GABPB1: variants seen among roughly 807,000 people sequenced by gnomAD.
GABPB1 encodes the protein GA-binding protein subunit beta-1.
In GABPB1, 15 loss-of-function variants were observed where a neutral mutation model predicts 45.9. The ratio of observed to expected loss-of-function variants is 0.33; its 90% CI spans 0.22 to 0.50. GABPB1 has a LOEUF of 0.50. GABPB1 is among the 20% of genes least tolerant of loss of function. GABPB1 has a pLI of 0.98. For synonymous variants in GABPB1, 143 were observed against 154.4 expected (o/e 0.93, Z 0.55); for missense variants, 252 against 457.5 (o/e 0.55, Z 4.10).
intron 1 of GABPB1, 52 bp from the exon 2 acceptor site, chr15:50,309,850 G>A (rs916677170): frequency 9.7e-7 from 1 of 1,035,164 alleles, no homozygotes; most frequent in South Asian, 1.3e-5. Context: ...TATACACTAT[G>A]ACATGACATT....
chr15:50,354,116 C>T (rs1567561378), intron 1 of GABPB1: 5 of 303,316 alleles, frequency 1.6e-5, no homozygotes, highest in Admixed American at 5.1e-5. Context: ...ACCCTTGAGG[C>T]TAGGCACGCT....
intron 1 of GABPB1, among the ~76,000 whole-genome samples, chr15:50,335,856 G>GCCA: frequency 7.2e-6 from 1 of 138,376 alleles, no homozygotes; most frequent in East Asian, 2.1e-4. Flanking sequence ...AGATCATGGT[G>GCCA]CTGCACTCCA....
At chr15:50,338,317 G>A in intron 1 of GABPB1, among the ~76,000 whole-genome samples, 1 of 152,134 alleles carries the variant, frequency 6.6e-6, no homozygotes, top group East Asian at 1.9e-4. Context: ...TGGGATTACA[G>A]GTATGAGCCA....
intron 1 of GABPB1, among the ~76,000 whole-genome samples, chr15:50,328,546 G>C (rs2047850124): frequency 6.6e-6 from 1 of 152,210 alleles, no homozygotes; most frequent in Non-Finnish European, 1.5e-5. Context: ...CAACATGCTT[G>C]ATATTGAAGC....
At chr15:50,288,840 T>C (rs1347175508) in intron 7 of GABPB1, among the ~76,000 whole-genome samples, 1 of 152,110 alleles carries the variant, frequency 6.6e-6, no homozygotes, top group African/African-American at 2.4e-5. Context: ...TTTTTTCTTT[T>C]TCTGAGAAAG....
intron 2 of GABPB1, among the ~76,000 whole-genome samples, chr15:50,308,617 T>G (rs2047024349): frequency 6.6e-6 from 1 of 152,184 alleles, no homozygotes; most frequent in African/African-American, 2.4e-5. Flanking sequence ...GTCTTTAGCT[T>G]TAGTACCCCA....
At chr15:50,350,658 A>C (rs1407065778) in intron 1 of GABPB1, 1 of 152,134 alleles carries the variant, frequency 6.6e-6, no homozygotes, top group Non-Finnish European at 1.5e-5. Context: ...TTTATAGGTA[A>C]CTTGAAGACA....
chr15:50,301,314 T>C lies in GABPB1; in HGVS notation c.526A>G (p.Ile176Val), dbSNP rs774995407. The change falls in exon 5 of 9, where the codon ATA (isoleucine) becomes GTA (valine). Residue 176 changes from isoleucine (I) to valine (V), a missense_variant. Ile to Val is a conservative substitution (Grantham distance 29, BLOSUM62 3). This residue lies in a region of GABPB1 where 193 missense variants were observed against 259.9 expected (regional missense o/e 0.74). Coordinates refer to ENST00000380877, the MANE Select transcript of GABPB1 (RefSeq NM_016654.5). Reference protein sequence around the residue: ...TNPESPDTVTIHAATPQFIIG... With the variant: ...TNPESPDTVTVHAATPQFIIG... The stretch of plus-strand genomic sequence containing the variant: ...ATAAACTGTGGTGTTGCAGCATGTA[T>C]TGTCACAGTGTCAGGACTCTCTGGG... 2.5e-6 allele frequency: 4 copies of C among 1,614,158 alleles called. No homozygotes were observed. In the South Asian group the frequency reaches 3.3e-5, roughly 13 times the overall value.
At chr15:50,339,092 AC>A (rs1380344018) in intron 1 of GABPB1, among the ~76,000 whole-genome samples, 1 of 152,064 alleles carries the variant, frequency 6.6e-6, no homozygotes, top group African/African-American at 2.4e-5. Flanking sequence ...CACTCAGGTG[AC>A]CCTGACCTCA....
rs566274109 is a variant in GABPB1, at chr15:50,297,862, T to C, written c.697+2927A>G. 3.3e-5 allele frequency among the ~76,000 whole-genome samples: 5 copies of C among 152,292 alleles called. No homozygotes were observed. The East Asian group carries it at 5.8e-4, about 18-fold the overall frequency. ...AAAAAAAGATTCCACTGTGATGTCA[T>C]ATTGAAATGAAAAATTATTGTGCTC... On this transcript the variant is annotated intron_variant, in intron 6 of 8. Transcript: ENST00000380877.
chr15:50,309,840 T>C, intron 1 of GABPB1, 42 bp from the exon 2 acceptor site: 1 of 1,136,106 alleles, frequency 8.8e-7, no homozygotes. Flanking sequence ...AATCTCCATT[T>C]ATACACTATG....
rs777105318 is a variant in GABPB1 at position 50,309,709 on chromosome 15, A to G, written c.90T>C (p.Ala30=). 1.3e-6 allele frequency: 2 copies of G among 1,592,330 alleles called. No homozygotes were observed. Among genetic ancestry groups the G allele is most frequent in the Middle Eastern group, 1.7e-4 (1 of 6,024 alleles). ...DEVRILMANG[A]PFTTDWLGTS... ...TCTTTACCCAGTCTGTAGTAAAGGG[A>G]GCTCCATTTGCCATCAAAATACGAA... Residue 30 remains alanine (A), a synonymous_variant, in exon 2 of 9, where the codon GCT becomes GCC. Transcript: ENST00000380877.
At chr15:50,304,211 C>A in intron 2 of GABPB1, 78 bp from the exon 3 acceptor site, 1 of 1,226,976 alleles carries the variant, frequency 8.2e-7, no homozygotes. Flanking sequence ...AACAGATTTT[C>A]TTTACATTAT....
Position 50,278,648 on chromosome 15 carries a change from T to C in GABPB1, c.1136A>G (p.Asn379Ser). 1 of 1,608,176 alleles carries C rather than the reference T, an allele frequency of 6.2e-7. No homozygotes were observed. Among genetic ancestry groups the C allele is most frequent in the Non-Finnish European group, 8.5e-7 (1 of 1,178,580 alleles). ...TCATTTCAATTAAACAGCTTCTTTA[T>C]TAGTCTGAAGACGAGTCATAGCTTC... ...KLEAMTRLQT[N>S]KEAV The change falls in exon 9 of 9, where the codon AAT becomes AGT. Residue 379 changes from asparagine (N) to serine (S), a missense_variant. Around this residue, in one of 4 missense-constraint regions of GABPB1, gnomAD observed 19 missense variants for 23.8 expected, o/e 0.80. Coordinates refer to ENST00000380877, the MANE Select transcript of GABPB1 (RefSeq NM_016654.5).
chr15:50,347,399 T>A (rs1461313949), intron 1 of GABPB1: 1 of 152,174 alleles, frequency 6.6e-6, no homozygotes, highest in South Asian at 2.1e-4. Context: ...AAATTTTTTT[T>A]ATTTTTTATT....
chr15:50,286,048 C>G lies in GABPB1; in HGVS notation c.999+20G>C. ...TTTTGGATGACTGCGGCAAAGCACA[C>G]CGGGTAAAAGACTCCTTACTTCTAT... On this transcript the variant is annotated intron_variant, in intron 8 of 8. Transcript: ENST00000380877. The G allele has an allele frequency of 1.2e-6, 2 of 1,607,016 alleles. No individual in the cohort carries two copies. Among genetic ancestry groups the G allele is most frequent in the Non-Finnish European group, 1.7e-6 (2 of 1,177,462 alleles).
At chr15:50,307,130 T>G (rs1343230517) in intron 2 of GABPB1, among the ~76,000 whole-genome samples, 1 of 152,168 alleles carries the variant, frequency 6.6e-6, no homozygotes, top group African/African-American at 2.4e-5. Context: ...AAATTTACTA[T>G]GTGCTGCCAA....
At chr15:50,353,710 T>A (rs1436287756) in intron 1 of GABPB1, 1 of 151,950 alleles carries the variant, frequency 6.6e-6, no homozygotes, top group East Asian at 1.9e-4. Flanking sequence ...CCAAGCTGGG[T>A]GGGTCTTTAC....
At chr15:50,340,690 T>A (rs1219420538) in intron 1 of GABPB1, among the ~76,000 whole-genome samples, 1 of 152,096 alleles carries the variant, frequency 6.6e-6, no homozygotes, top group Non-Finnish European at 1.5e-5. Context: ...TATGCTATTA[T>A]TGTGTTTTAA....
Sources: gnomAD v4.1 joint callset for allele counts (sites outside exome capture counted in the v4.1 genomes callset) on GRCh38, gnomAD v4.1.1 for gene constraint, gnomAD v4.1.1 regional missense constraint, MANE v1.5 for transcripts, NCBI Gene and HGNC (gene_info 2026-07-23, HGNC 2026-07-21) for gene names.